Variants in ZNF454 observed in about 807,000 individuals in gnomAD.
The protein encoded by ZNF454 is zinc finger protein 454.
Under a neutral mutation model 48.2 loss-of-function variants are expected in ZNF454, and 30 were observed. The observed-to-expected ratio is 0.62, with a 90% CI of 0.47 to 0.84. ZNF454 has a LOEUF of 0.84. ZNF454 is among the 40% of genes least tolerant of loss of function. ZNF454 has a pLI of 0.00. For synonymous variants in ZNF454, 204 were observed against 211.4 expected, an observed-to-expected ratio of 0.97 and a Z score of 0.30; for missense variants, 510 against 623.1, an observed-to-expected ratio of 0.82 and a Z score of 1.93.
chr5:178,945,460 G>T (rs903393811), intron 2 of ZNF454, among the ~76,000 whole-genome samples: 8 of 146,276 alleles, frequency 5.5e-5, no homozygotes, highest in African/African-American at 2.0e-4. Flanking sequence ...ATGTGGGGGG[G>T]GTGTGTCGTG....
At chr5:178,948,966 A>G (rs925373187) in intron 4 of ZNF454, among the ~76,000 whole-genome samples, 29 of 151,160 alleles carry the variant, frequency 1.9e-4, no homozygotes, top group Admixed American at 6.6e-5. Flanking sequence ...GCAGTGGTGT[A>G]ATCATGGCTC....
the ZNF454 span, among the ~76,000 whole-genome samples, chr5:178,984,837 C>T: frequency 4.3e-4 from 66 of 152,214 alleles, no homozygotes; most frequent in South Asian, 3.9e-3. Context: ...GTGCTCCAAA[C>T]GGGTGAGCAG....
At chr5:178,981,828 G>A in the ZNF454 span, 12 of 1,612,246 alleles carry the variant, frequency 7.4e-6, no homozygotes, top group Admixed American at 3.3e-5. The surrounding 1 kb of genome is among the most constrained non-coding windows in gnomAD (Gnocchi z 5.1). Flanking sequence ...TCAAGGACAC[G>A]GTTAGCGTGG....
intron 4 of ZNF454, among the ~76,000 whole-genome samples, chr5:178,950,116 G>A (rs767397813): frequency 1.1e-4 from 17 of 151,962 alleles, no homozygotes; most frequent in African/African-American, 2.2e-4. Flanking sequence ...CAAGTGATCC[G>A]CCAGCCTCAG....
At position 178,965,970 on chromosome 5, in the gene ZNF454, G is replaced by C. The variant is rs1271062817; in HGVS notation, c.1566G>C (p.Lys522Asn). The C allele has an allele frequency of 1.3e-6, 2 of 1,561,636 alleles. No homozygotes were observed. The highest frequency in any genetic ancestry group is 1.7e-6 in the Non-Finnish European group (2 of 1,156,980). Residue 522 changes from lysine (K) to asparagine (N), a missense_variant, in exon 5 of 5, where the codon AAG becomes AAC. Physicochemically the swap from Lys to Asn is moderately conservative, Grantham distance 94. This residue lies in a region of ZNF454 where 153 missense variants were observed against 195.8 expected (regional missense o/e 0.78). Coordinates refer to ENST00000519564, the MANE Select transcript of ZNF454 (RefSeq NM_001178089.3). The surrounding 1 kb of genome is among the most constrained non-coding windows in gnomAD (Gnocchi z 5.2). ...ATCAGAGACATCATATTGGAGAGAA[G>C]TGATATGAATGCAGTTTGTATGGAA... ...IQHQRHHIGE[K>N]
the ZNF454 span, chr5:178,981,617 A>G: frequency 6.7e-7 from 1 of 1,491,452 alleles, no homozygotes; most frequent in Admixed American, 1.7e-5. This position sits in a 1 kb window ranked among gnomAD's most constrained non-coding sequence, Gnocchi z 5.1. Context: ...CAAGAGGAAG[A>G]AAGGAGAGGC....
intron 4 of ZNF454, among the ~76,000 whole-genome samples, chr5:178,950,544 A>G (rs1759513311): frequency 6.6e-6 from 1 of 152,188 alleles, no homozygotes; most frequent in Admixed American, 6.5e-5. Flanking sequence ...AATTACATAT[A>G]AATTGTCCAC....
chr5:178,956,930 C>G, intron 4 of ZNF454: 1 of 311,240 alleles, frequency 3.2e-6, no homozygotes, highest in South Asian at 2.5e-5. Context: ...TGTTACCAAG[C>G]TGGAGTGCAG....
chr5:178,959,965 T>C (rs572375659), intron 4 of ZNF454, among the ~76,000 whole-genome samples: 19 of 151,324 alleles, frequency 1.3e-4, no homozygotes, highest in Non-Finnish European at 2.5e-4. Context: ...TTTTTGTTTT[T>C]TGAGACAAGT....
the ZNF454 span, among the ~76,000 whole-genome samples, chr5:178,974,280 T>C: frequency 1.3e-5 from 2 of 151,512 alleles, no homozygotes; most frequent in Non-Finnish European, 2.9e-5. Flanking sequence ...TGTGTTAGCC[T>C]TTCTAGTGGT....
At chr5:178,986,522 G>A in the ZNF454 span, 2,849 of 1,608,430 alleles carry the variant, frequency 1.8e-3, 7 homozygotes, top group Middle Eastern at 8.3e-3. Flanking sequence ...CAGCTCAGGC[G>A]CACCACAGGT....
At chr5:178,960,786 A>C (rs1165243490) in intron 4 of ZNF454, among the ~76,000 whole-genome samples, 1 of 151,428 alleles carries the variant, frequency 6.6e-6, no homozygotes, top group African/African-American at 2.4e-5. Flanking sequence ...ATACTGTGTG[A>C]TTTGTCTGAT....
At chr5:178,984,262 C>T in the ZNF454 span, among the ~76,000 whole-genome samples, 4 of 148,248 alleles carry the variant, frequency 2.7e-5, no homozygotes, top group South Asian at 8.8e-4. Flanking sequence ...CCACAGATGC[C>T]GCAGCCCGTG....
chr5:178,950,412 G>C (rs1581863903), intron 4 of ZNF454, among the ~76,000 whole-genome samples: 2 of 152,152 alleles, frequency 1.3e-5, no homozygotes, highest in African/African-American at 4.8e-5. Flanking sequence ...CTCAACTGCT[G>C]AATTAATTTG....
chr5:178,987,126 G>T, the ZNF454 span: 1 of 828,822 alleles, frequency 1.2e-6, no homozygotes, highest in African/African-American at 1.7e-5. Context: ...AAGCCGCAGG[G>T]AGATCCCCCT....
At chr5:178,986,614 C>T in the ZNF454 span, 66 of 1,603,494 alleles carry the variant, frequency 4.1e-5, no homozygotes, top group Admixed American at 1.2e-4. Flanking sequence ...CACCTGGAAG[C>T]GGTACCCGTC....
rs139248906 is a variant in ZNF454 at position 178,964,826 on chromosome 5, T to A, written c.422T>A (p.Val141Glu). 216 of 1,614,158 alleles carry A rather than the reference T, an allele frequency of 1.3e-4. No homozygotes were observed. In the African/African-American group the frequency reaches 2.7e-3, roughly 20 times the overall value. The change falls in exon 5 of 5, where the codon GTA becomes GAA. Residue 141 changes from valine to glutamate, a missense_variant. Around this residue, in one of 3 missense-constraint regions of ZNF454, gnomAD observed 354 missense variants for 408.9 expected, o/e 0.87. Transcript: ENST00000519564. ...GGQEISLQRV[V>E]LTHPNTPSQE... ...CAGGAGATCAGTTTGCAGCGAGTGGTACTCACTCACCCCAACACCCCATCA... is the reference window on the plus strand; with the variant it reads ...CAGGAGATCAGTTTGCAGCGAGTGGAACTCACTCACCCCAACACCCCATCA...
At chr5:178,986,285 G>T in the ZNF454 span, 1 of 1,614,114 alleles carries the variant, frequency 6.2e-7, no homozygotes, top group South Asian at 1.1e-5. Context: ...CCCAGGCCCA[G>T]GAAGAGCCTG....
the ZNF454 span, among the ~76,000 whole-genome samples, chr5:178,984,283 C>A: frequency 1.9e-5 from 2 of 103,964 alleles, no homozygotes; most frequent in South Asian, 2.9e-4. Context: ...GAGTGGGGAG[C>A]GAGCGAGCAC....
Sources: gnomAD v4.1 joint callset for allele counts (sites outside exome capture counted in the v4.1 genomes callset) on GRCh38, gnomAD v4.1.1 for gene constraint, gnomAD v4.1.1 regional missense constraint, Gnocchi (gnomAD v3.1) non-coding constraint, MANE v1.5 for transcripts, NCBI Gene and HGNC (gene_info 2026-07-23, HGNC 2026-07-21) for gene names.